The following KCNB2 variants were observed in gnomAD, a reference collection of about 807,000 sequenced individuals.
KCNB2 encodes the protein potassium voltage-gated channel subfamily B member 2.
A neutral mutation model predicts 61.5 loss-of-function variants in KCNB2; 15 were observed. The observed-to-expected ratio is 0.24, with a 90% CI of 0.16 to 0.38. The LOEUF is 0.38. KCNB2 is among the 10% of genes least tolerant of loss of function. The probability of loss-of-function intolerance (pLI) is 1.00; values close to 1 mark genes in which losing one functional copy is unlikely to be tolerated. For missense variants in KCNB2, 828 were observed against 1,125.2 expected (o/e 0.74, Z 3.78); for synonymous variants, 457 against 446.0 (o/e 1.02, Z -0.31).
intron 2 of KCNB2, among the ~76,000 whole-genome samples, chr8:72,854,067 C>T (rs1471270420): frequency 6.6e-6 from 1 of 152,168 alleles, no homozygotes; most frequent in Non-Finnish European, 1.5e-5. Context: ...GGCTATTTTG[C>T]TTCAAATCCT....
chr8:72,549,999 A>G (rs1315441268), intron 1 of KCNB2, among the ~76,000 whole-genome samples: 2 of 152,196 alleles, frequency 1.3e-5, no homozygotes, highest in African/African-American at 2.4e-5. Context: ...GGGCCCAGGT[A>G]CCAGCCATTT....
At chr8:72,562,605 C>A (rs2128978469) in intron 1 of KCNB2, among the ~76,000 whole-genome samples, 1 of 152,272 alleles carries the variant, frequency 6.6e-6, no homozygotes, top group South Asian at 2.1e-4. Flanking sequence ...TTGCCCTTGA[C>A]ATGAAAACAT....
intron 2 of KCNB2, among the ~76,000 whole-genome samples, chr8:72,700,978 G>C (rs887803425): frequency 1.3e-5 from 2 of 152,088 alleles, no homozygotes; most frequent in African/African-American, 4.8e-5. Context: ...ATTAACCCAG[G>C]AACAAGAATA....
intron 2 of KCNB2, among the ~76,000 whole-genome samples, chr8:72,720,794 G>A (rs1266566066): frequency 6.6e-6 from 1 of 151,978 alleles, no homozygotes; most frequent in Non-Finnish European, 1.5e-5. Flanking sequence ...TGCATGCCAC[G>A]GTACTCAATC....
intron 2 of KCNB2, among the ~76,000 whole-genome samples, chr8:72,893,698 A>T (rs1436252600): frequency 6.6e-6 from 1 of 152,252 alleles, no homozygotes; most frequent in African/African-American, 2.4e-5. Flanking sequence ...GTATCTATAC[A>T]CACCAAAATG....
At chr8:72,670,415 T>A (rs1806545139) in intron 2 of KCNB2, among the ~76,000 whole-genome samples, 1 of 152,226 alleles carries the variant, frequency 6.6e-6, no homozygotes, top group South Asian at 2.1e-4. Context: ...ATCTGAACTT[T>A]GCATGCACTT....
At chr8:72,663,551 C>T (rs888273644) in intron 2 of KCNB2, among the ~76,000 whole-genome samples, 1 of 152,130 alleles carries the variant, frequency 6.6e-6, no homozygotes, top group East Asian at 1.9e-4. Context: ...CTACTTAAAG[C>T]AAAGCATTTC....
rs923743828 is a variant in KCNB2, at chr8:72,649,691, A to G, written c.579+81378A>G. The stretch of plus-strand genomic sequence containing the variant: ...AAGTGTGGGGTCCAAAGTGTTGAGC[A>G]GTGTATTATGAGAAATATCCTAGCC... On this transcript the variant is annotated intron_variant, in intron 2 of 2. Coordinates refer to ENST00000523207, the MANE Select transcript of KCNB2 (RefSeq NM_004770.3). 8.5e-5 allele frequency among the ~76,000 whole-genome samples: 13 copies of G among 152,188 alleles called. 1 individual carries two copies. The highest frequency in any genetic ancestry group is 7.9e-4 in the Admixed American group (12 of 15,280).
chr8:72,885,720 T>C (rs1713196241), intron 2 of KCNB2, among the ~76,000 whole-genome samples: 1 of 152,126 alleles, frequency 6.6e-6, no homozygotes, highest in African/African-American at 2.4e-5. Context: ...TTCTCCTGCC[T>C]TTTTCCTTTT....
At chr8:72,867,420 G>T (rs2129004485) in intron 2 of KCNB2, among the ~76,000 whole-genome samples, 2 of 152,266 alleles carry the variant, frequency 1.3e-5, no homozygotes, top group East Asian at 3.9e-4. Flanking sequence ...AGCAGAGGCG[G>T]GTGGATTGCT....
chr8:72,644,254 C>A lies in KCNB2; in HGVS notation c.579+75941C>A, dbSNP rs142491307. ...CCTGATTTTAAAAAGTTCACCCCCC[C>A]CTTCTCTTTAGATGAATGCTAACTG... is the stretch of plus-strand genomic sequence containing the variant. On this transcript the variant is annotated intron_variant, in intron 2 of 2. Transcript: ENST00000523207. 7.0e-4 allele frequency among the ~76,000 whole-genome samples: 107 copies of A among 152,168 alleles called. 1 individual carries two copies. In the East Asian group the frequency reaches 0.014, roughly 20 times the overall value.
chr8:72,765,619 G>A (rs1343927733), intron 2 of KCNB2, among the ~76,000 whole-genome samples: 1 of 152,160 alleles, frequency 6.6e-6, no homozygotes, highest in Non-Finnish European at 1.5e-5. Flanking sequence ...AGATGATTGG[G>A]ACCTCTATCT....
At position 72,551,019 on chromosome 8, in the gene KCNB2, C is replaced by T. The variant is rs556271391; in HGVS notation, c.-94+13134C>T. Among the ~76,000 whole-genome samples, 7 of 152,208 alleles carry T rather than the reference C, an allele frequency of 4.6e-5. No homozygotes were observed. In the South Asian group the frequency reaches 1.5e-3, roughly 32 times the overall value. On this transcript the variant is annotated intron_variant, in intron 1 of 2. Coordinates refer to ENST00000523207, the MANE Select transcript of KCNB2 (RefSeq NM_004770.3). ...CTTTTAAGTAGCTAGCAGGGGCCTA[C>T]ACAGTTAAGACATCTCCATTCTCAG...
chr8:72,780,175 C>A (rs986646521), intron 2 of KCNB2, among the ~76,000 whole-genome samples: 1 of 152,138 alleles, frequency 6.6e-6, no homozygotes, highest in African/African-American at 2.4e-5. Context: ...GACACTTTTA[C>A]TTTATGTATA....
intron 2 of KCNB2, among the ~76,000 whole-genome samples, chr8:72,929,772 C>T (rs2981095): frequency 3.3e-5 from 5 of 152,022 alleles, no homozygotes; most frequent in African/African-American, 1.2e-4. Context: ...CTTCCCTGGC[C>T]GTATACACAC....
chr8:72,598,816 G>A (rs183146072), intron 2 of KCNB2, among the ~76,000 whole-genome samples: 1 of 152,042 alleles, frequency 6.6e-6, no homozygotes, highest in African/African-American at 2.4e-5. Flanking sequence ...AAGAGACAGA[G>A]AGCCAAATCA....
chr8:72,552,049 A>G (rs1339188737), intron 1 of KCNB2, among the ~76,000 whole-genome samples: 1 of 152,136 alleles, frequency 6.6e-6, no homozygotes, highest in Non-Finnish European at 1.5e-5. Flanking sequence ...ATGACCGTGC[A>G]CTATTTACAC....
chr8:72,850,221 ATGTGTGTG>A (rs1554538718), intron 2 of KCNB2, among the ~76,000 whole-genome samples: 1 of 12,280 alleles, frequency 8.1e-5, no homozygotes, highest in African/African-American at 2.3e-4. Context: ...GTGTGTGTGT[ATGTGTGTG>A]TGTGTGTGTA....
At chr8:72,731,094 AACTCAC>A (rs1366898795) in intron 2 of KCNB2, among the ~76,000 whole-genome samples, 3 of 152,174 alleles carry the variant, frequency 2.0e-5, no homozygotes, top group Non-Finnish European at 4.4e-5. Flanking sequence ...AGTGGCCAGA[AACTCAC>A]ACTTCAAAGA....
Sources: gnomAD v4.1 joint callset for allele counts (sites outside exome capture counted in the v4.1 genomes callset) on GRCh38, gnomAD v4.1.1 for gene constraint, MANE v1.5 for transcripts, NCBI Gene and HGNC (gene_info 2026-07-23, HGNC 2026-07-21) for gene names.